TBC1D5: variants seen among roughly 807,000 people sequenced by gnomAD.
The protein encoded by TBC1D5 is TBC1 domain family, member 5.
Under a neutral mutation model 100.3 loss-of-function variants are expected in TBC1D5, and 75 were observed. The ratio of observed to expected loss-of-function variants is 0.75; its 90% CI spans 0.62 to 0.91. The LOEUF (loss-of-function observed/expected upper bound fraction) is 0.91. Ranked by LOEUF, TBC1D5 falls within the 40% of genes least tolerant of loss-of-function variation. The probability of loss-of-function intolerance (pLI) is 0.00; values close to 1 mark genes in which losing one functional copy is unlikely to be tolerated. For synonymous variants in TBC1D5, 323 were observed against 325.6 expected (o/e 0.99, Z 0.09); for missense variants, 910 against 942.4 (o/e 0.97, Z 0.45).
intron 13 of TBC1D5, among the ~76,000 whole-genome samples, chr3:17,360,472 T>C (rs1297213366): frequency 9.9e-5 from 15 of 151,982 alleles, no homozygotes. Flanking sequence ...TTTATATATA[T>C]ATACCTAGAA....
intron 14 of TBC1D5, among the ~76,000 whole-genome samples, chr3:17,300,043 T>G (rs112242438): frequency 0.064 from 9,755 of 151,894 alleles, 626 homozygotes; most frequent in African/African-American, 0.16. Context: ...AAGGAAACAT[T>G]AAAAAAGAAA....
intron 1 of TBC1D5, among the ~76,000 whole-genome samples, chr3:17,716,477 C>T (rs75533334): frequency 6.6e-5 from 10 of 151,980 alleles, no homozygotes; most frequent in East Asian, 1.9e-4. Flanking sequence ...CTCCTGTCAG[C>T]GACTTATCAT....
At chr3:17,348,595 T>G (rs1025017464) in intron 13 of TBC1D5, among the ~76,000 whole-genome samples, 13 of 152,210 alleles carry the variant, frequency 8.5e-5, no homozygotes, top group African/African-American at 2.7e-4. Flanking sequence ...TGATTTCTCT[T>G]GCCACTTTCC....
chr3:17,256,548 C>T (rs952919177), intron 16 of TBC1D5, among the ~76,000 whole-genome samples: 4 of 151,324 alleles, frequency 2.6e-5, no homozygotes, highest in African/African-American at 9.7e-5. Flanking sequence ...AGAAGAAAAT[C>T]ATGAAGGGGA....
intron 5 of TBC1D5, 78 bp from the exon 6 acceptor site, chr3:17,405,039 G>A: frequency 1.3e-6 from 1 of 776,208 alleles, no homozygotes. Flanking sequence ...TGAACCACCT[G>A]AACATTGAAA....
intron 2 of TBC1D5, among the ~76,000 whole-genome samples, chr3:17,590,930 T>G (rs943310278): frequency 2.6e-5 from 4 of 151,984 alleles, no homozygotes; most frequent in African/African-American, 9.6e-5. Context: ...GGCAAAAGAC[T>G]AATTTGAATC....
chr3:17,282,142 A>C (rs1170980393), intron 15 of TBC1D5, among the ~76,000 whole-genome samples: 1 of 152,216 alleles, frequency 6.6e-6, no homozygotes, highest in Non-Finnish European at 1.5e-5. Context: ...CCTTTAAAAA[A>C]CAATTAATGA....
chr3:17,539,920 C>A (rs1349132557), intron 2 of TBC1D5, among the ~76,000 whole-genome samples: 2 of 152,238 alleles, frequency 1.3e-5, no homozygotes, highest in Non-Finnish European at 2.9e-5. Context: ...AGCCACCATA[C>A]TGCTTCCCAC....
At chr3:17,236,567 C>A (rs1332272120) in intron 17 of TBC1D5, among the ~76,000 whole-genome samples, 1 of 151,330 alleles carries the variant, frequency 6.6e-6, no homozygotes, top group African/African-American at 2.4e-5. Context: ...CTCACTGCAA[C>A]CTCCGCCTCC....
intron 1 of TBC1D5, among the ~76,000 whole-genome samples, chr3:17,718,655 T>A (rs953761027): frequency 6.6e-6 from 1 of 152,148 alleles, no homozygotes; most frequent in Non-Finnish European, 1.5e-5. Flanking sequence ...CAAATCAATG[T>A]TAAGTATATT....
At chr3:17,161,038 G>A in exon 22 of TBC1D5, 1 of 1,614,234 alleles carries the variant, frequency 6.2e-7, no homozygotes, top group Non-Finnish European at 8.5e-7. Context: ...AGCTGGGGTT[G>A]CTGGAGGAAG....
At chr3:17,165,789 C>T (rs1053418689) in intron 21 of TBC1D5, among the ~76,000 whole-genome samples, 6 of 152,228 alleles carry the variant, frequency 3.9e-5, no homozygotes, top group African/African-American at 1.4e-4. Flanking sequence ...ATTTAAAATA[C>T]AGGTGGGAAA....
chr3:17,509,184 A>G (rs1361928744), intron 2 of TBC1D5, among the ~76,000 whole-genome samples: 1 of 151,922 alleles, frequency 6.6e-6, no homozygotes, highest in African/African-American at 2.4e-5. Context: ...GAAAAAAACA[A>G]TTGTGTGTCT....
At chr3:17,305,464 T>C (rs1008868473) in intron 14 of TBC1D5, among the ~76,000 whole-genome samples, 9 of 152,186 alleles carry the variant, frequency 5.9e-5, no homozygotes, top group Admixed American at 2.0e-4. Flanking sequence ...CAAACAAACT[T>C]TGATATATAG....
Position 17,178,259 on chromosome 3 carries a change from G to A in TBC1D5, c.1852+6850C>T, listed in dbSNP as rs373792162. Among the ~76,000 whole-genome samples the A allele has an allele frequency of 1.7e-4, 26 of 152,070 alleles. No individual in the cohort carries two copies. The East Asian group carries it at 4.8e-3, about 28-fold the overall frequency. ...TTTTTGTATTTTTAGTAGAGACGGG[G>A]TTTCACCATGTTAGCCAGGATGGTC... On this transcript the variant is annotated intron_variant, in intron 19 of 21. Coordinates refer to ENST00000253692, the Ensembl canonical transcript of TBC1D5.
At chr3:17,391,613 T>C (rs1559786615) in intron 8 of TBC1D5, among the ~76,000 whole-genome samples, 1 of 150,508 alleles carries the variant, frequency 6.6e-6, no homozygotes. Context: ...TGGGACTGGA[T>C]AGAAGACAGA....
chr3:17,548,468 A>G (rs1282613672), intron 2 of TBC1D5, among the ~76,000 whole-genome samples: 1 of 152,170 alleles, frequency 6.6e-6, no homozygotes, highest in African/African-American at 2.4e-5. Flanking sequence ...AAAAGGAAAA[A>G]TACAGGGCGG....
intron 1 of TBC1D5, among the ~76,000 whole-genome samples, chr3:17,737,851 C>A (rs1369503546): frequency 2.0e-5 from 3 of 149,908 alleles, no homozygotes; most frequent in African/African-American, 7.3e-5. Context: ...CAGTTAACAT[C>A]TTTTCTAGGC....
chr3:17,611,056 GAGA>G (rs1357882932), intron 2 of TBC1D5, among the ~76,000 whole-genome samples: 3 of 152,116 alleles, frequency 2.0e-5, no homozygotes, highest in African/African-American at 7.2e-5. Context: ...GGCATGGAGA[GAGA>G]AGTTCAACAG....
Sources: allele counts gnomAD v4.1 joint callset (sites outside exome capture counted in the v4.1 genomes callset), GRCh38; gene constraint gnomAD v4.1.1; transcripts MANE v1.5; gene names NCBI Gene and HGNC (gene_info 2026-07-23, HGNC 2026-07-21).